CRPPA: variants seen among roughly 807,000 people sequenced by gnomAD.
CRPPA encodes CDP-L-ribitol pyrophosphorylase A.
In CRPPA, 43 loss-of-function variants were observed where a neutral mutation model predicts 52.0. The observed-to-expected ratio is 0.83, with a 90% CI of 0.65 to 1.07. The LOEUF is 1.07. CRPPA is among the 50% of genes least tolerant of loss of function. The pLI, the probability that CRPPA is intolerant of heterozygous loss-of-function variation, is 0.00. For synonymous variants in CRPPA, 250 were observed against 203.5 expected (o/e 1.23, Z -1.94); for missense variants, 629 against 551.7 (o/e 1.14, Z -1.40).
intron 4 of CRPPA, 115 bp from the exon 5 acceptor site, chr7:16,301,581 T>C (rs1292662400): frequency 1.6e-6 from 1 of 606,996 alleles, no homozygotes; most frequent in Admixed American, 2.7e-5. Flanking sequence ...CATGTAATAC[T>C]GACATTTTCT....
At chr7:16,269,713 A>G (rs1379760135) in intron 6 of CRPPA, 3 of 152,200 alleles carry the variant, frequency 2.0e-5, no homozygotes, top group Non-Finnish European at 4.4e-5. Context: ...TCCCAGAACC[A>G]CCAAAACCTT....
chr7:16,215,011 T>C (rs1453327803), intron 9 of CRPPA, among the ~76,000 whole-genome samples: 1 of 152,216 alleles, frequency 6.6e-6, no homozygotes, highest in Non-Finnish European at 1.5e-5. Context: ...TTGCATATTT[T>C]GGAAGCAGAG....
At chr7:16,286,794 G>A (rs1056026176) in intron 5 of CRPPA, among the ~76,000 whole-genome samples, 1 of 152,084 alleles carries the variant, frequency 6.6e-6, no homozygotes, top group Non-Finnish European at 1.5e-5. Flanking sequence ...CACAAACCCA[G>A]CATTCTCCTT....
intron 2 of CRPPA, among the ~76,000 whole-genome samples, chr7:16,400,121 C>T (rs1378199370): frequency 1.3e-5 from 2 of 152,022 alleles, no homozygotes; most frequent in Non-Finnish European, 2.9e-5. Flanking sequence ...ACATGACCAA[C>T]ACGTGACCAA....
chr7:16,386,326 G>A (rs1211495066), intron 2 of CRPPA, among the ~76,000 whole-genome samples: 2 of 152,104 alleles, frequency 1.3e-5, no homozygotes, highest in Non-Finnish European at 2.9e-5. Context: ...CTGCTCTTCT[G>A]CTCATGGAGC....
intron 6 of CRPPA, among the ~76,000 whole-genome samples, chr7:16,276,222 G>T (rs899244671): frequency 3.9e-5 from 6 of 151,948 alleles, no homozygotes; most frequent in South Asian, 2.1e-4. Context: ...CATCCAACAG[G>T]AATCTCTGAA....
chr7:16,189,294 T>C (rs1005557901), intron 9 of CRPPA, among the ~76,000 whole-genome samples: 6 of 152,164 alleles, frequency 3.9e-5, no homozygotes, highest in Non-Finnish European at 7.4e-5. Context: ...GTCTGAGGCA[T>C]CACAGAACTG....
At chr7:16,233,037 CAT>C (rs1254607958) in intron 8 of CRPPA, among the ~76,000 whole-genome samples, 11 of 152,004 alleles carry the variant, frequency 7.2e-5, no homozygotes, top group Middle Eastern at 3.4e-3. Context: ...AAAACTAAAA[CAT>C]GTGATATTTT....
Position 16,396,688 on chromosome 7 carries a change from C to G in CRPPA, c.534+9373G>C, listed in dbSNP as rs117767005. Among the ~76,000 whole-genome samples, 5 of 152,288 alleles carry G rather than the reference C, an allele frequency of 3.3e-5. No homozygotes were observed. The East Asian group carries it at 5.8e-4, about 18-fold the overall frequency. Reference sequence around the variant, plus strand: ...GGAACCAGCCCAAATGCCCACCAGTCAATGAGTAGATAGAGAAAATTGTGA... The same window carrying G: ...GGAACCAGCCCAAATGCCCACCAGTGAATGAGTAGATAGAGAAAATTGTGA... On this transcript the variant is annotated intron_variant, in intron 2 of 9. Coordinates refer to ENST00000407010, the MANE Select transcript of CRPPA (RefSeq NM_001101426.4).
At chr7:16,411,976 G>C (rs532018978) in intron 1 of CRPPA, among the ~76,000 whole-genome samples, 2 of 152,234 alleles carry the variant, frequency 1.3e-5, no homozygotes, top group African/African-American at 4.8e-5. Context: ...ATATGATGAA[G>C]AATTAAGAGG....
At chr7:16,332,492 A>C (rs1785575955) in intron 3 of CRPPA, among the ~76,000 whole-genome samples, 1 of 152,190 alleles carries the variant, frequency 6.6e-6, no homozygotes, top group South Asian at 2.1e-4. Context: ...GTATAAGTGA[A>C]ATTAATGACA....
chr7:16,387,070 T>TATATATACAC (rs1554352522), intron 2 of CRPPA, among the ~76,000 whole-genome samples: 7 of 67,608 alleles, frequency 1.0e-4, no homozygotes, highest in African/African-American at 5.8e-4. Flanking sequence ...TATATATATA[T>TATATATACAC]ATATATATAT....
At chr7:16,326,508 C>G (rs991232966) in intron 3 of CRPPA, among the ~76,000 whole-genome samples, 1 of 152,198 alleles carries the variant, frequency 6.6e-6, no homozygotes, top group Non-Finnish European at 1.5e-5. Flanking sequence ...CCATCAAGTT[C>G]ATTATGAGCT....
At chr7:16,301,116 C>A (rs1417707498) in intron 5 of CRPPA, among the ~76,000 whole-genome samples, 1 of 152,136 alleles carries the variant, frequency 6.6e-6, no homozygotes, top group Non-Finnish European at 1.5e-5. Flanking sequence ...TGAGGTGAGA[C>A]CTTTACAAAA....
intron 1 of CRPPA, among the ~76,000 whole-genome samples, chr7:16,412,279 C>G (rs966266734): frequency 6.6e-6 from 1 of 152,094 alleles, no homozygotes; most frequent in Non-Finnish European, 1.5e-5. Context: ...TTTAAAGCAA[C>G]TTTGTTGGGT....
intron 1 of CRPPA, among the ~76,000 whole-genome samples, chr7:16,415,899 T>G (rs550067084): frequency 9.2e-5 from 14 of 152,294 alleles, no homozygotes; most frequent in African/African-American, 3.4e-4. Flanking sequence ...ATTTAGGAAT[T>G]TGGGGCCAAA....
chr7:16,373,704 G>C (rs1014454488), intron 3 of CRPPA, among the ~76,000 whole-genome samples: 5 of 152,202 alleles, frequency 3.3e-5, no homozygotes, highest in Middle Eastern at 3.2e-3. Flanking sequence ...CAGCAAGGTA[G>C]AAAGTAAGGT....
intron 6 of CRPPA, among the ~76,000 whole-genome samples, chr7:16,267,379 G>C (rs1783982677): frequency 6.6e-6 from 1 of 152,064 alleles, no homozygotes; most frequent in African/African-American, 2.4e-5. Context: ...TTTAGATTTG[G>C]GGTAAAGCTA....
At chr7:16,161,074 G>C (rs574223329) in intron 9 of CRPPA, among the ~76,000 whole-genome samples, 1 of 152,108 alleles carries the variant, frequency 6.6e-6, no homozygotes, top group East Asian at 1.9e-4. Flanking sequence ...TGAGATAATG[G>C]TGTTTTCTCC....
Sources: gnomAD v4.1 joint callset for allele counts (sites outside exome capture counted in the v4.1 genomes callset) on GRCh38, gnomAD v4.1.1 for gene constraint, MANE v1.5 for transcripts, NCBI Gene and HGNC (gene_info 2026-07-23, HGNC 2026-07-21) for gene names.